PCDHGA3: variants seen among roughly 807,000 people sequenced by gnomAD.
The protein encoded by PCDHGA3 is protocadherin gamma-A3.
Under a neutral mutation model 58.5 loss-of-function variants are expected in PCDHGA3, and 40 were observed. The observed-to-expected ratio is 0.68, with a 90% CI of 0.53 to 0.89. The LOEUF (loss-of-function observed/expected upper bound fraction) is 0.89, where lower values mean the gene tolerates loss of function less well. Among genes scored for constraint, PCDHGA3 ranks in the 40% least tolerant of loss-of-function variants. The probability of loss-of-function intolerance (pLI) is 0.00; values close to 1 mark genes in which losing one functional copy is unlikely to be tolerated. For synonymous variants in PCDHGA3, 530 were observed against 525.7 expected, an observed-to-expected ratio of 1.01 and a Z score of -0.11; for missense variants, 1,223 against 1,195.9, an observed-to-expected ratio of 1.02 and a Z score of -0.33.
intron 1 of PCDHGA3, among the ~76,000 whole-genome samples, chr5:141,467,486 T>A (rs985186472): frequency 6.6e-6 from 1 of 152,242 alleles, no homozygotes; most frequent in Non-Finnish European, 1.5e-5. Flanking sequence ...GGTTTCCACA[T>A]TTAGATCCCT....
chr5:141,375,835 C>A (rs772317330), intron 1 of PCDHGA3: 22 of 1,613,984 alleles, frequency 1.4e-5, no homozygotes, highest in Admixed American at 1.7e-5. Flanking sequence ...CCGCAGAGCC[C>A]GGCTACCTGG....
chr5:141,484,924 T>C (rs1453592037), intron 1 of PCDHGA3: 7 of 484,872 alleles, frequency 1.4e-5, no homozygotes, highest in Non-Finnish European at 2.2e-5. Context: ...ACCCTGCTGC[T>C]GTTGGGACGT....
At chr5:141,358,601 T>C (rs931374917) in intron 1 of PCDHGA3, among the ~76,000 whole-genome samples, 5 of 152,228 alleles carry the variant, frequency 3.3e-5, no homozygotes, top group Non-Finnish European at 5.9e-5. Context: ...ACTCCTGTGA[T>C]TATGAGAAAT....
At chr5:141,444,178 TTTTTTTTTTTG>T in intron 1 of PCDHGA3, among the ~76,000 whole-genome samples, 1 of 134,050 alleles carries the variant, frequency 7.5e-6, no homozygotes, top group Admixed American at 7.5e-5. Flanking sequence ...TTTTTTTTTT[TTTTTTTTTTTG>T]AGATGGAGTT....
At chr5:141,500,568 T>C (rs1562196424) in intron 2 of PCDHGA3, among the ~76,000 whole-genome samples, 2 of 152,190 alleles carry the variant, frequency 1.3e-5, no homozygotes, top group Admixed American at 6.5e-5. Context: ...CTTGTCACAC[T>C]TTCATGTGAC....
chr5:141,394,009 GTAA>G, intron 1 of PCDHGA3: 1 of 1,613,394 alleles, frequency 6.2e-7, no homozygotes, highest in Non-Finnish European at 8.5e-7. Flanking sequence ...AAGTCAATAG[GTAA>G]TTATTATAGA....
At chr5:141,363,012 T>C (rs1296290865) in intron 1 of PCDHGA3, among the ~76,000 whole-genome samples, 2 of 152,230 alleles carry the variant, frequency 1.3e-5, no homozygotes, top group Non-Finnish European at 2.9e-5. Context: ...TCACAGGGCA[T>C]GGGTAGGACA....
chr5:141,383,387 G>A lies in PCDHGA3; in HGVS notation c.2424+36930G>A, dbSNP rs1779095569. ...AGCGAGGCTGGGGATCCAGATGTGG[G>A]CACGAACTCCCTCCAGAGTTACCAG... is the stretch of plus-strand genomic sequence containing the variant. On this transcript the variant is annotated intron_variant, in intron 1 of 3. Coordinates refer to ENST00000253812, the MANE Select transcript of PCDHGA3 (RefSeq NM_018916.4). 3.7e-6 allele frequency: 6 copies of A among 1,614,010 alleles called. No individual in the cohort carries two copies. The East Asian group carries it at 1.3e-4, about 36-fold the overall frequency.
Position 141,371,037 on chromosome 5 carries a change from G to A in PCDHGA3, c.2424+24580G>A, listed in dbSNP as rs373150812. 63 of 1,613,876 alleles carry A rather than the reference G, an allele frequency of 3.9e-5. No homozygotes were observed. The African/African-American group carries it at 7.9e-4, about 20-fold the overall frequency. ...ACATCACCACCTGGTCCTCACAGCT[G>A]TGGATGGGGGCGAGCCCTCCAGAAG... On this transcript the variant is annotated intron_variant, in intron 1 of 3. Transcript: ENST00000253812.
chr5:141,382,167 G>A (rs1003056701), intron 1 of PCDHGA3, among the ~76,000 whole-genome samples: 7 of 152,038 alleles, frequency 4.6e-5, no homozygotes, highest in African/African-American at 1.7e-4. Context: ...GAAGGTGTTA[G>A]ACCGTCTCTA....
intron 1 of PCDHGA3, chr5:141,409,341 G>A (rs753232321): frequency 1.9e-6 from 3 of 1,613,976 alleles, no homozygotes; most frequent in Non-Finnish European, 2.5e-6. Flanking sequence ...GGAGGAAATG[G>A]AGAAGTCAGG....
chr5:141,375,736 T>C (rs1771819108), intron 1 of PCDHGA3: 2 of 1,614,242 alleles, frequency 1.2e-6, no homozygotes, highest in East Asian at 2.2e-5. Flanking sequence ...TGAGCCTGTT[T>C]GTGCTGGACC....
chr5:141,476,825 G>A lies in PCDHGA3; in HGVS notation c.2425-17982G>A. ...GCCTATTCACATCAAGGTGCTGGACGCGAATGACAATGCGCCTGTCTTCAA... is the reference window on the plus strand; with the variant it reads ...GCCTATTCACATCAAGGTGCTGGACACGAATGACAATGCGCCTGTCTTCAA... On this transcript the variant is annotated intron_variant, in intron 1 of 3. Transcript: ENST00000253812. The surrounding 1 kb of genome is among the most constrained non-coding windows in gnomAD (Gnocchi z 7.6). 6.2e-7 allele frequency: 1 copy of A among 1,613,554 alleles called. No individual in the cohort carries two copies. Among genetic ancestry groups the A allele is most frequent in the East Asian group, 2.2e-5 (1 of 44,870 alleles).
At chr5:141,389,547 G>A in intron 1 of PCDHGA3, 1 of 1,613,252 alleles carries the variant, frequency 6.2e-7, no homozygotes, top group East Asian at 2.2e-5. Context: ...CGACCGCAAC[G>A]ACAATGCGCC....
intron 1 of PCDHGA3, chr5:141,374,039 G>T (rs187674758): frequency 5.9e-5 from 86 of 1,456,944 alleles, no homozygotes; most frequent in Middle Eastern, 2.5e-4. Context: ...ATGCAGATCT[G>T]TTCTTCCTCT....
intron 1 of PCDHGA3, chr5:141,366,212 A>C: frequency 6.2e-7 from 1 of 1,613,804 alleles, no homozygotes; most frequent in African/African-American, 1.3e-5. Context: ...CGAGGTGCGC[A>C]CAGCGCGAGC....
rs749007839 is a variant in PCDHGA3 at position 141,418,069 on chromosome 5, G to A, written c.2424+71612G>A. On this transcript the variant is annotated intron_variant, in intron 1 of 3. Coordinates refer to ENST00000253812, the MANE Select transcript of PCDHGA3 (RefSeq NM_018916.4). ...CGGCTCGCGAGCTGCGAGTGAGCGC[G>A]GAGAAGCTGCACTTCAGCGTAGACG... 1.7e-5 allele frequency: 28 copies of A among 1,613,926 alleles called. 1 individual carries two copies. The Middle Eastern group carries it at 9.9e-4, about 57-fold the overall frequency.
intron 1 of PCDHGA3, chr5:141,398,054 A>G (rs372627681): frequency 9.0e-5 from 136 of 1,518,912 alleles, no homozygotes; most frequent in Non-Finnish European, 1.0e-4. Context: ...CGGAGATCCA[A>G]AAATCTACAA....
chr5:141,365,504 T>G, intron 1 of PCDHGA3: 1 of 1,613,984 alleles, frequency 6.2e-7, no homozygotes, highest in Non-Finnish European at 8.5e-7. Flanking sequence ...GAATTTGCCT[T>G]TTAAATTGGA....
Sources: gnomAD v4.1 joint callset for allele counts (sites outside exome capture counted in the v4.1 genomes callset) on GRCh38, gnomAD v4.1.1 for gene constraint, Gnocchi (gnomAD v3.1) non-coding constraint, MANE v1.5 for transcripts, NCBI Gene and HGNC (gene_info 2026-07-23, HGNC 2026-07-21) for gene names.